Variants in MOK observed in about 807,000 individuals in gnomAD.
The protein encoded by MOK is MOK protein kinase, also known as MAPK/MAK/MRK overlapping kinase.
In MOK, 59 loss-of-function variants were observed where a neutral mutation model predicts 54.2. That is an observed-to-expected ratio of 1.09 (90% CI 0.88 to 1.35). The LOEUF (loss-of-function observed/expected upper bound fraction) is 1.35, where lower values mean the gene tolerates loss of function less well. Among genes scored for constraint, MOK ranks in the 40% most tolerant of loss-of-function variants. MOK has a pLI of 0.00. For synonymous variants in MOK, 210 were observed against 202.7 expected (o/e 1.04, Z -0.31); for missense variants, 517 against 526.2 (o/e 0.98, Z 0.17).
chr14:102,269,475 T>A (rs956647167), intron 2 of MOK, among the ~76,000 whole-genome samples: 1 of 150,604 alleles, frequency 6.6e-6, no homozygotes, highest in Non-Finnish European at 1.5e-5. Context: ...CCAGCTTTTT[T>A]TTTTTTTTTT....
At chr14:102,289,305 C>T (rs2070487551) in intron 1 of MOK, among the ~76,000 whole-genome samples, 1 of 151,560 alleles carries the variant, frequency 6.6e-6, no homozygotes. Flanking sequence ...AGAAATGATA[C>T]ACAGTAAAAG....
rs2403038 is a variant in MOK at position 102,285,076 on chromosome 14, T to A, written c.8-1484A>T. Among the ~76,000 whole-genome samples, 71 of 143,452 alleles carry A rather than the reference T, an allele frequency of 4.9e-4. No homozygotes were observed. In the South Asian group the frequency reaches 0.016, roughly 32 times the overall value. 94.1% of individuals were successfully genotyped at this position (143,452 alleles called of 152,430 possible). ...CCAGCCTGGGCTACAGAGTGAGATGTCATCTCAAAAAAAAAAAAAAAAAAG... is the reference window on the plus strand; with the variant it reads ...CCAGCCTGGGCTACAGAGTGAGATGACATCTCAAAAAAAAAAAAAAAAAAG... On this transcript the variant is annotated intron_variant, in intron 1 of 11. Transcript: ENST00000361847.
downstream of MOK, among the ~76,000 whole-genome samples, chr14:102,219,900 G>A (rs922710840): frequency 3.9e-5 from 6 of 152,268 alleles, no homozygotes; most frequent in South Asian, 6.2e-4. Context: ...TGGAAGCTGG[G>A]CCCAGTGGAG....
chr14:102,224,713 A>G, downstream of MOK: 1 of 456,040 alleles, frequency 2.2e-6, no homozygotes. Flanking sequence ...CATTAGTTAC[A>G]GCTTGAGTTC....
At chr14:102,242,055 C>T (rs1320350591) in intron 7 of MOK, among the ~76,000 whole-genome samples, 1 of 152,228 alleles carries the variant, frequency 6.6e-6, no homozygotes, top group East Asian at 1.9e-4. Context: ...TGGCCCAAGG[C>T]TCTCTGACTG....
intron 4 of MOK, among the ~76,000 whole-genome samples, chr14:102,253,391 G>T (rs1013524664): frequency 4.6e-5 from 7 of 152,196 alleles, no homozygotes; most frequent in African/African-American, 1.4e-4. Flanking sequence ...AGCCGGCCTC[G>T]GAGGCCTTCC....
At chr14:102,218,344 G>A in the MOK span, among the ~76,000 whole-genome samples, 1 of 152,314 alleles carries the variant, frequency 6.6e-6, no homozygotes, top group African/African-American at 2.4e-5. Context: ...CACAGGCCAG[G>A]GGTCGTGGGG....
intron 4 of MOK, among the ~76,000 whole-genome samples, chr14:102,253,556 G>C (rs560038211): frequency 6.6e-5 from 10 of 152,350 alleles, no homozygotes; most frequent in Non-Finnish European, 1.3e-4. Flanking sequence ...TTCAGTCACA[G>C]TCCACATGTC....
At chr14:102,252,719 T>C (rs1423860242) in intron 4 of MOK, among the ~76,000 whole-genome samples, 2 of 152,186 alleles carry the variant, frequency 1.3e-5, no homozygotes, top group Admixed American at 6.5e-5. Flanking sequence ...GAATTGACCA[T>C]ATTCAGAGTA....
the MOK span, among the ~76,000 whole-genome samples, chr14:102,217,535 C>T: frequency 6.6e-6 from 1 of 152,220 alleles, no homozygotes; most frequent in Admixed American, 6.5e-5. Context: ...GGTCCACTGC[C>T]CAGCTATAAC....
intron 6 of MOK, 41 bp from the exon 7 acceptor site, chr14:102,251,031 T>C (rs1463424005): frequency 1.9e-6 from 3 of 1,602,120 alleles, no homozygotes; most frequent in Non-Finnish European, 1.7e-6. Flanking sequence ...CATCCCATTA[T>C]GTGGCTATCA....
downstream of MOK, among the ~76,000 whole-genome samples, chr14:102,226,630 G>A (rs1453624705): frequency 6.6e-6 from 1 of 152,190 alleles, no homozygotes; most frequent in Non-Finnish European, 1.5e-5. This position sits in a 1 kb window ranked among gnomAD's most constrained non-coding sequence, Gnocchi z 4.8. Context: ...ACCACACGCA[G>A]CTGAAGCGGC....
intron 1 of MOK, among the ~76,000 whole-genome samples, chr14:102,295,060 C>T (rs1340078360): frequency 2.6e-5 from 4 of 152,122 alleles, no homozygotes; most frequent in Admixed American, 1.3e-4. Context: ...CAAGATCTGG[C>T]GTATTTTCAT....
chr14:102,226,289 A>G (rs1470947646), downstream of MOK: 6 of 700,894 alleles, frequency 8.6e-6, no homozygotes, highest in East Asian at 2.7e-5. This position sits in a 1 kb window ranked among gnomAD's most constrained non-coding sequence, Gnocchi z 4.8. Context: ...GTAGGCTCAC[A>G]CAAGAAGGGT....
intron 4 of MOK, among the ~76,000 whole-genome samples, chr14:102,253,274 A>C (rs1392212406): frequency 1.3e-5 from 2 of 152,142 alleles, no homozygotes; most frequent in Non-Finnish European, 2.9e-5. Context: ...AAATCGGGGC[A>C]ATTAGCACAT....
At chr14:102,289,163 C>A (rs189170194) in intron 1 of MOK, among the ~76,000 whole-genome samples, 1 of 152,068 alleles carries the variant, frequency 6.6e-6, no homozygotes, top group Non-Finnish European at 1.5e-5. Context: ...TCTTGGCCTC[C>A]CAAAGTGCTG....
At chr14:102,220,734 A>G (rs1158308678), downstream of MOK, among the ~76,000 whole-genome samples, 1 of 152,026 alleles carries the variant, frequency 6.6e-6, no homozygotes, top group Non-Finnish European at 1.5e-5. The surrounding 1 kb of genome is among the most constrained non-coding windows in gnomAD (Gnocchi z 4.2). Context: ...AAAAAAAAAA[A>G]AAAGAAAATA....
At chr14:102,283,825 G>A (rs2069733212) in intron 1 of MOK, among the ~76,000 whole-genome samples, 1 of 152,044 alleles carries the variant, frequency 6.6e-6, no homozygotes, top group Admixed American at 6.6e-5. Flanking sequence ...ACCTTACCTG[G>A]ATCCTGGCCA....
At chr14:102,248,398 T>A (rs1319312891) in intron 7 of MOK, among the ~76,000 whole-genome samples, 1 of 151,704 alleles carries the variant, frequency 6.6e-6, no homozygotes, top group African/African-American at 2.4e-5. Context: ...AAACAAACTT[T>A]CCCTACACCC....
Sources: gnomAD v4.1 joint callset for allele counts (sites outside exome capture counted in the v4.1 genomes callset) on GRCh38, gnomAD v4.1.1 for gene constraint, Gnocchi (gnomAD v3.1) non-coding constraint, MANE v1.5 for transcripts, NCBI Gene and HGNC (gene_info 2026-07-23, HGNC 2026-07-21) for gene names.